RASGEF1C: variants seen among roughly 807,000 people sequenced by gnomAD.
RASGEF1C encodes ras-GEF domain-containing family member 1C.
RASGEF1C carries 27 observed loss-of-function variants against 58.1 expected under a neutral mutation model. That is an observed-to-expected ratio of 0.46 (90% CI 0.34 to 0.64). RASGEF1C has a LOEUF of 0.64. RASGEF1C is among the 30% of genes least tolerant of loss of function. The probability of loss-of-function intolerance (pLI) is 0.01; values close to 1 mark genes in which losing one functional copy is unlikely to be tolerated. For missense variants in RASGEF1C, 502 were observed against 605.1 expected (o/e 0.83, Z 1.79); for synonymous variants, 243 against 246.3 (o/e 0.99, Z 0.13).
chr5:180,107,511 T>C (rs1007954997), intron 12 of RASGEF1C, among the ~76,000 whole-genome samples: 8 of 152,236 alleles, frequency 5.3e-5, no homozygotes, highest in Non-Finnish European at 8.8e-5. Flanking sequence ...TCTTGGTTTC[T>C]GATGAGAAAT....
In RASGEF1C at chr5:180,128,613, G is replaced by GGT. The variant is rs772849544; in HGVS notation, c.439-5_439-4dup. 4.3e-6 allele frequency: 7 copies of GGT among 1,613,170 alleles called. No individual in the cohort carries two copies. In the South Asian group the frequency reaches 6.6e-5, roughly 15 times the overall value. On this transcript the variant is annotated splice_region_variant and splice_polypyrimidine_tract_variant and intron_variant, in intron 4 of 13. Transcript: ENST00000361132. ...TGATGCATCCTCTTCCGGTATGCCT[G>GGT]GTGGGTGGAAAGAAGGGCGCTCAGG...
chr5:180,175,229 C>G (rs569526993), intron 1 of RASGEF1C, among the ~76,000 whole-genome samples: 1 of 152,148 alleles, frequency 6.6e-6, no homozygotes, highest in Non-Finnish European at 1.5e-5. Context: ...GGGTTGGAGC[C>G]CCCCCAGCGC....
chr5:180,193,391 A>T (rs1031478075), intron 1 of RASGEF1C, among the ~76,000 whole-genome samples: 5 of 152,134 alleles, frequency 3.3e-5, no homozygotes, highest in African/African-American at 1.2e-4. Context: ...ACCTTTTTTA[A>T]CGTGGCTACT....
chr5:180,207,632 C>CTGTCTGTCTGTCGCT (rs75928125), intron 1 of RASGEF1C, among the ~76,000 whole-genome samples: 1 of 151,832 alleles, frequency 6.6e-6, no homozygotes, highest in African/African-American at 2.4e-5. Context: ...CCTCTCTCGC[C>CTGTCTGTCTGTCGCT]TGCCCTCCCT....
intron 1 of RASGEF1C, among the ~76,000 whole-genome samples, chr5:180,152,335 T>C (rs1364802660): frequency 4.6e-5 from 7 of 152,186 alleles, no homozygotes; most frequent in Admixed American, 4.6e-4. Flanking sequence ...AATGATAGAC[T>C]GGATTAAGAA....
At chr5:180,118,993 G>T in intron 8 of RASGEF1C, 127 bp from the exon 9 acceptor site, 4 of 839,752 alleles carry the variant, frequency 4.8e-6, no homozygotes, top group Non-Finnish European at 7.9e-6. Flanking sequence ...CACATGGTGG[G>T]TGGGTGAGGG....
At chr5:180,164,007 A>G (rs1458727488) in intron 1 of RASGEF1C, among the ~76,000 whole-genome samples, 1 of 152,134 alleles carries the variant, frequency 6.6e-6, no homozygotes, top group Admixed American at 6.6e-5. Flanking sequence ...TCAGTTGTCA[A>G]ATTTATGTGT....
At chr5:180,166,434 G>A (rs1767021142) in intron 1 of RASGEF1C, among the ~76,000 whole-genome samples, 2 of 151,812 alleles carry the variant, frequency 1.3e-5, no homozygotes, top group Admixed American at 6.6e-5. Context: ...TGCTTGCAGA[G>A]CTGTTCTATT....
chr5:180,174,523 C>T (rs369817562), intron 1 of RASGEF1C, among the ~76,000 whole-genome samples: 3 of 145,976 alleles, frequency 2.1e-5, no homozygotes, highest in Non-Finnish European at 3.0e-5. Context: ...CGCGTACACA[C>T]GTGTGTCTCT....
intron 1 of RASGEF1C, among the ~76,000 whole-genome samples, chr5:180,186,869 G>A (rs1756052687): frequency 6.6e-6 from 1 of 152,146 alleles, no homozygotes; most frequent in South Asian, 2.1e-4. Context: ...AGGAGGCTGA[G>A]GCAGAAGGTG....
intron 1 of RASGEF1C, among the ~76,000 whole-genome samples, chr5:180,174,475 T>G (rs956707782): frequency 5.9e-4 from 47 of 79,308 alleles, no homozygotes; most frequent in Middle Eastern, 6.5e-3. Context: ...TGTGTGTATG[T>G]GTGTCTGTGT....
intron 3 of RASGEF1C, 29 bp from the exon 4 acceptor site, chr5:180,136,544 G>C (rs199926844): frequency 6.4e-7 from 1 of 1,555,546 alleles, no homozygotes; most frequent in Non-Finnish European, 8.7e-7. Context: ...CACCGCGCTC[G>C]TGAGGGGCGC....
intron 4 of RASGEF1C, chr5:180,135,307 A>C (rs1766452720): frequency 6.6e-6 from 1 of 152,212 alleles, no homozygotes; most frequent in Non-Finnish European, 1.5e-5. Context: ...TCAGAGCCTG[A>C]GTGATGTCTG....
chr5:180,119,788 A>T (rs1244178823), intron 7 of RASGEF1C, among the ~76,000 whole-genome samples: 4 of 152,042 alleles, frequency 2.6e-5, no homozygotes, highest in Non-Finnish European at 5.9e-5. Flanking sequence ...AGAGAGCCCC[A>T]ACTACTTGCC....
chr5:180,202,344 ATAATC>A (rs1488744696), intron 1 of RASGEF1C, among the ~76,000 whole-genome samples: 5 of 152,222 alleles, frequency 3.3e-5, no homozygotes, highest in African/African-American at 1.2e-4. Flanking sequence ...ATTTAACACT[ATAATC>A]TAAGAAAATG....
chr5:180,160,919 C>T (rs1766933718), intron 1 of RASGEF1C, among the ~76,000 whole-genome samples: 2 of 152,148 alleles, frequency 1.3e-5, no homozygotes, highest in Non-Finnish European at 2.9e-5. Flanking sequence ...CACAATGTGG[C>T]AATATTAGGG....
Position 180,137,883 on chromosome 5 carries a change from T to G in RASGEF1C, c.170A>C (p.Tyr57Ser). 1 of 1,611,966 alleles carries G rather than the reference T, an allele frequency of 6.2e-7. No homozygotes were observed. The change falls in exon 2 of 14, where the codon TAC (tyrosine) becomes TCC (serine). Residue 57 changes from tyrosine (Y) to serine (S), a missense_variant. Transcript: ENST00000361132. This position sits in a 1 kb window ranked among gnomAD's most constrained non-coding sequence, Gnocchi z 4.1. ...GCTGGGTGGATCACCCACCTCGGGGTAGTAGTCGGCTGTGGGCACCAGGTG... is the reference window on the plus strand; with the variant it reads ...GCTGGGTGGATCACCCACCTCGGGGGAGTAGTCGGCTGTGGGCACCAGGTG... Reference protein sequence around the residue: ...IQHLVPTADYYPEKAYIFTFL... With the variant: ...IQHLVPTADYSPEKAYIFTFL...
Position 180,135,051 on chromosome 5 carries a change from C to CT in RASGEF1C, c.438+1326_438+1327insA, listed in dbSNP as rs563832282. 1.4e-4 allele frequency among the ~76,000 whole-genome samples: 19 copies of CT among 138,560 alleles called. No individual in the cohort carries two copies. In the South Asian group the frequency reaches 4.2e-3, roughly 31 times the overall value. 90.9% of individuals were successfully genotyped at this position (138,560 alleles called of 152,430 possible). ...TCCCGTTTCCGCTGTCCCCACCCCC[C>CT]CCGTCCAATCATCAACTGTTCCCTG... On this transcript the variant is annotated intron_variant, in intron 4 of 13. Transcript: ENST00000361132.
chr5:180,106,966 G>A (rs769649650), intron 12 of RASGEF1C, among the ~76,000 whole-genome samples: 4 of 152,166 alleles, frequency 2.6e-5, no homozygotes, highest in Admixed American at 6.5e-5. Flanking sequence ...TGGATACATA[G>A]TTAGGATTGC....
Sources: allele counts gnomAD v4.1 joint callset (sites outside exome capture counted in the v4.1 genomes callset), GRCh38; gene constraint gnomAD v4.1.1; non-coding constraint Gnocchi (gnomAD v3.1); transcripts MANE v1.5; gene names NCBI Gene and HGNC (gene_info 2026-07-23, HGNC 2026-07-21).